BABAM2: variants seen among roughly 807,000 people sequenced by gnomAD.
BABAM2 encodes BRISC and BRCA1-A complex member 2.
Under a neutral mutation model 54.7 loss-of-function variants are expected in BABAM2, and 31 were observed. The ratio of observed to expected loss-of-function variants is 0.57; its 90% CI spans 0.43 to 0.77. The LOEUF is 0.77. Ranked by LOEUF, BABAM2 falls within the 30% of genes least tolerant of loss-of-function variation. BABAM2 has a pLI of 0.00. For synonymous variants in BABAM2, 167 were observed against 162.9 expected (o/e 1.03, Z -0.19); for missense variants, 364 against 455.8 (o/e 0.80, Z 1.83).
At chr2:28,114,807 A>T (rs1416284438) in intron 6 of BABAM2, among the ~76,000 whole-genome samples, 1 of 152,212 alleles carries the variant, frequency 6.6e-6, no homozygotes, top group Non-Finnish European at 1.5e-5. Context: ...CCAAGGCATG[A>T]TCTAAACCTG....
At chr2:28,164,000 C>T (rs1289569681) in intron 7 of BABAM2, among the ~76,000 whole-genome samples, 1 of 152,210 alleles carries the variant, frequency 6.6e-6, no homozygotes, top group Non-Finnish European at 1.5e-5. Context: ...ATGGAGTTCT[C>T]TTCTTAGAAA....
intron 7 of BABAM2, among the ~76,000 whole-genome samples, chr2:28,185,450 G>A (rs187293221): frequency 8.5e-5 from 13 of 152,248 alleles, no homozygotes; most frequent in Non-Finnish European, 1.6e-4. Flanking sequence ...CAGATTGCAC[G>A]TCTGCCAGAA....
At chr2:27,905,494 A>G (rs1666125836) in intron 2 of BABAM2, among the ~76,000 whole-genome samples, 1 of 152,192 alleles carries the variant, frequency 6.6e-6, no homozygotes, top group Admixed American at 6.5e-5. Flanking sequence ...AAATGAGATA[A>G]TTCATATAAA....
intron 7 of BABAM2, among the ~76,000 whole-genome samples, chr2:28,222,591 C>T (rs1680516343): frequency 6.6e-6 from 1 of 152,180 alleles, no homozygotes; most frequent in Non-Finnish European, 1.5e-5. Context: ...ATTAATACTG[C>T]TCTATTAGTA....
intron 4 of BABAM2, among the ~76,000 whole-genome samples, chr2:28,021,139 T>A (rs77805769): frequency 1.3e-5 from 2 of 152,174 alleles, no homozygotes. Context: ...TTTCTTCTCT[T>A]GTGGGAAATG....
intron 6 of BABAM2, among the ~76,000 whole-genome samples, chr2:28,117,893 A>G (rs752961487): frequency 1.2e-4 from 18 of 152,150 alleles, no homozygotes; most frequent in Non-Finnish European, 1.9e-4. Flanking sequence ...AAATCTTCCT[A>G]TCCATTAAAA....
At chr2:27,977,901 A>T (rs1370882911) in intron 3 of BABAM2, among the ~76,000 whole-genome samples, 1 of 152,166 alleles carries the variant, frequency 6.6e-6, no homozygotes, top group Non-Finnish European at 1.5e-5. Context: ...TATTACAGAT[A>T]AATTAAACTT....
intron 3 of BABAM2, among the ~76,000 whole-genome samples, chr2:27,953,685 C>T (rs1001414630): frequency 2.0e-5 from 3 of 151,436 alleles, no homozygotes; most frequent in Non-Finnish European, 4.4e-5. Flanking sequence ...CCTTTGGCTA[C>T]AGGGCTAGCT....
chr2:27,993,608 C>T (rs1328965267), intron 4 of BABAM2, among the ~76,000 whole-genome samples: 2 of 152,076 alleles, frequency 1.3e-5, no homozygotes, highest in Non-Finnish European at 2.9e-5. Context: ...AAGGGTGGAT[C>T]ATAAATTTAA....
At chr2:28,046,150 C>G (rs976237471) in intron 6 of BABAM2, among the ~76,000 whole-genome samples, 6 of 152,224 alleles carry the variant, frequency 3.9e-5, no homozygotes, top group African/African-American at 7.2e-5. Context: ...ACCCTAGCCA[C>G]TGCCTTCGAG....
At chr2:28,118,956 TC>T (rs1306728274) in intron 6 of BABAM2, among the ~76,000 whole-genome samples, 5 of 151,922 alleles carry the variant, frequency 3.3e-5, no homozygotes, top group Non-Finnish European at 7.3e-5. Context: ...TAGCCTGTTT[TC>T]CCAGCAACAT....
rs751782457 is a variant in BABAM2, at chr2:28,315,421, T to TTTTCTTTTC, written c.1088+16933_1088+16934insCTTTTCTTT. 5.1e-3 allele frequency among the ~76,000 whole-genome samples: 566 copies of TTTTCTTTTC among 110,184 alleles called. 2 individuals are homozygous for TTTTCTTTTC. The highest frequency in any genetic ancestry group is 0.013 in the African/African-American group (348 of 26,920). 72.3% of individuals were successfully genotyped at this position (110,184 alleles called of 152,430 possible). ...GGTATTTCTTTGTGTGTGTGGTTCTTTTTTCTTTTCTTTTCTTTTCTTTTC... is the reference window on the plus strand; with the variant it reads ...GGTATTTCTTTGTGTGTGTGGTTCTTTTTCTTTTCTTTTCTTTTCTTTTCTTTTCTTTTC... On this transcript the variant is annotated intron_variant, in intron 11 of 11. Coordinates refer to ENST00000379624, the MANE Select transcript of BABAM2 (RefSeq NM_199191.3).
intron 6 of BABAM2, among the ~76,000 whole-genome samples, chr2:28,050,132 C>T (rs1677893137): frequency 6.6e-6 from 1 of 152,196 alleles, no homozygotes; most frequent in Non-Finnish European, 1.5e-5. Context: ...TAATTTGGGA[C>T]TGGTGTTGCC....
chr2:27,938,820 T>C lies in BABAM2; in HGVS notation c.205+8912T>C, dbSNP rs187849180. 3.3e-3 allele frequency among the ~76,000 whole-genome samples: 505 copies of C among 152,328 alleles called. 1 individual carries two copies. The highest frequency in any genetic ancestry group is 4.3e-3 in the Non-Finnish European group (294 of 68,040). On this transcript the variant is annotated intron_variant, in intron 3 of 11. Transcript: ENST00000379624. ...GATAAATATTCTCTAACCTTCTCCT[T>C]TTTGTTTCCAAGCAAAGGGTAATGG... is the stretch of plus-strand genomic sequence containing the variant.
At chr2:27,915,520 C>CTTCAAGGAGAACTACAAACCACT in intron 2 of BABAM2, among the ~76,000 whole-genome samples, 1 of 152,338 alleles carries the variant, frequency 6.6e-6, no homozygotes, top group African/African-American at 2.4e-5. Flanking sequence ...GCATCTCAAG[C>CTTCAAGGAGAACTACAAACCACT]GCAATCTAAG....
intron 3 of BABAM2, among the ~76,000 whole-genome samples, chr2:27,982,870 C>T (rs1421707908): frequency 6.6e-6 from 1 of 151,746 alleles, no homozygotes. Flanking sequence ...CACACACACA[C>T]ACACACACAC....
At chr2:28,093,370 A>G (rs550282034) in intron 6 of BABAM2, among the ~76,000 whole-genome samples, 215 of 152,288 alleles carry the variant, frequency 1.4e-3, no homozygotes, top group African/African-American at 5.0e-3. Flanking sequence ...AGTAAATAGG[A>G]AAGTGGGATC....
intron 4 of BABAM2, among the ~76,000 whole-genome samples, chr2:28,010,096 C>G (rs1264967828): frequency 6.6e-6 from 1 of 152,068 alleles, no homozygotes; most frequent in Non-Finnish European, 1.5e-5. Flanking sequence ...TCAAAGGGTC[C>G]TTATTTAGTC....
rs560322656 is a variant in BABAM2 at position 27,897,035 on chromosome 2, A to T, written c.128+2351A>T. ...CAGGAGGCAAAGCAATGTGCATGTC[A>T]TTGTCTTGTCACAGTGAATGGTGCC... On this transcript the variant is annotated intron_variant, in intron 2 of 11. Coordinates refer to ENST00000379624, the MANE Select transcript of BABAM2 (RefSeq NM_199191.3). 253 of 155,624 alleles carry T rather than the reference A, an allele frequency of 1.6e-3. 1 individual carries two copies. Among genetic ancestry groups the T allele is most frequent in the Non-Finnish European group, 2.8e-3 (195 of 69,292 alleles). 9.6% of individuals were successfully genotyped at this position (155,624 alleles called of 1,614,324 possible).
Sources: gnomAD v4.1 joint callset for allele counts (sites outside exome capture counted in the v4.1 genomes callset) on GRCh38, gnomAD v4.1.1 for gene constraint, MANE v1.5 for transcripts, NCBI Gene and HGNC (gene_info 2026-07-23, HGNC 2026-07-21) for gene names.